The following MTMR2 variants were observed in gnomAD, a reference collection of about 807,000 sequenced individuals.
MTMR2 encodes phosphatidylinositol-3,5-bisphosphate 3-phosphatase MTMR2.
A neutral mutation model predicts 86.9 loss-of-function variants in MTMR2; 55 were observed. The observed-to-expected ratio is 0.63, with a 90% CI of 0.51 to 0.79. The LOEUF is 0.79. MTMR2 is among the 30% of genes least tolerant of loss of function. MTMR2 has a pLI of 0.00. For synonymous variants in MTMR2, 241 were observed against 266.8 expected, an observed-to-expected ratio of 0.90 and a Z score of 0.94; for missense variants, 659 against 772.3, an observed-to-expected ratio of 0.85 and a Z score of 1.74.
intron 2 of MTMR2, among the ~76,000 whole-genome samples, chr11:95,886,413 T>G (rs1388276671): frequency 6.6e-6 from 1 of 152,226 alleles, no homozygotes; most frequent in African/African-American, 2.4e-5. Context: ...GCCCTCATTT[T>G]GTCCAAATGT....
intron 1 of MTMR2, among the ~76,000 whole-genome samples, chr11:95,893,894 A>C (rs1865795487): frequency 6.6e-6 from 1 of 152,154 alleles, no homozygotes; most frequent in African/African-American, 2.4e-5. Flanking sequence ...ATATCATCCC[A>C]AACCAAAACC....
At chr11:95,875,567 T>C (rs1342454741) in intron 2 of MTMR2, among the ~76,000 whole-genome samples, 1 of 152,164 alleles carries the variant, frequency 6.6e-6, no homozygotes, top group Non-Finnish European at 1.5e-5. Context: ...TCAGAGTAGT[T>C]TGATCGTCTG....
chr11:95,838,329 T>C (rs1464947802), intron 12 of MTMR2, 122 bp from the exon 13 acceptor site: 3 of 683,026 alleles, frequency 4.4e-6, no homozygotes, highest in East Asian at 2.8e-5. Flanking sequence ...ATCTACATTA[T>C]TCCAAGCCAT....
At chr11:95,881,500 TC>T (rs1484706168) in intron 2 of MTMR2, among the ~76,000 whole-genome samples, 2 of 152,180 alleles carry the variant, frequency 1.3e-5, no homozygotes, top group South Asian at 2.1e-4. Context: ...TATTTAGATA[TC>T]CTTTTAGCTT....
chr11:95,870,453 T>C (rs937990770), intron 2 of MTMR2, among the ~76,000 whole-genome samples: 2 of 152,078 alleles, frequency 1.3e-5, no homozygotes, highest in African/African-American at 2.4e-5. Context: ...ACGAAAGAAA[T>C]AGAATCCTGG....
intron 1 of MTMR2, among the ~76,000 whole-genome samples, chr11:95,919,912 A>G (rs1866852132): frequency 6.6e-6 from 1 of 152,190 alleles, no homozygotes; most frequent in South Asian, 2.1e-4. Flanking sequence ...AACCCACTAA[A>G]GCAGTGCATT....
chr11:95,847,888 T>C lies in MTMR2; in HGVS notation c.1005A>G (p.Gly335=). 1 of 1,613,570 alleles carries C rather than the reference T, an allele frequency of 6.2e-7. No homozygotes were observed. Among genetic ancestry groups the C allele is most frequent in the South Asian group, 1.1e-5 (1 of 91,066 alleles). ...GATAGGCATCTTCACTTTCATAACCTCCACCCTTTGCCTGGAAAAAAGCAC... is the reference window on the plus strand; with the variant it reads ...GATAGGCATCTTCACTTTCATAACCCCCACCCTTTGCCTGGAAAAAAGCAC... ...VNAVANKAKG[G]GYESEDAYQN... The change falls in exon 10 of 15, where the codon GGA becomes GGG. Residue 335 remains glycine, a synonymous_variant. Coordinates refer to ENST00000346299, the MANE Select transcript of MTMR2 (RefSeq NM_016156.6).
At chr11:95,911,824 A>G (rs1278723286) in intron 1 of MTMR2, among the ~76,000 whole-genome samples, 1 of 152,184 alleles carries the variant, frequency 6.6e-6, no homozygotes, top group East Asian at 1.9e-4. Context: ...TACTTGGACA[A>G]GTATAGAAAA....
At chr11:95,848,102 G>A (rs984929431) in intron 9 of MTMR2, among the ~76,000 whole-genome samples, 11 of 152,116 alleles carry the variant, frequency 7.2e-5, no homozygotes, top group South Asian at 2.1e-4. Context: ...GAATATATAC[G>A]TAGTCTGACT....
At chr11:95,888,321 A>T in intron 1 of MTMR2, 60 bp from the exon 2 acceptor site, 1 of 1,110,470 alleles carries the variant, frequency 9.0e-7, no homozygotes, top group Non-Finnish European at 1.4e-6. Context: ...CCAATTTCAG[A>T]CATTGTATTT....
Position 95,844,939 on chromosome 11 carries a change from G to T in MTMR2, c.1386+14C>A. On this transcript the variant is annotated intron_variant, in intron 11 of 14. Coordinates refer to ENST00000346299, the MANE Select transcript of MTMR2 (RefSeq NM_016156.6). ...ATGCATGTGATATATCCAAAGTCAA[G>T]GTTCCTTACTTACTAGTTGAAATCG... The T allele has an allele frequency of 6.3e-7, 1 of 1,578,726 alleles. No individual in the cohort carries two copies. Among genetic ancestry groups the T allele is most frequent in the Non-Finnish European group, 8.7e-7 (1 of 1,150,978 alleles).
chr11:95,840,424 A>G lies in MTMR2; in HGVS notation c.1479+1193T>C, dbSNP rs1347180304. On this transcript the variant is annotated intron_variant, in intron 12 of 14. Transcript: ENST00000346299. ...TTGTAGGGACTTAGGTAGTTGATAT[A>G]CTGCCTCAAAGCCAATTCCAAAGGA... Among the ~76,000 whole-genome samples, 3 of 152,194 alleles carry G rather than the reference A, an allele frequency of 2.0e-5. No individual in the cohort carries two copies. The East Asian group carries it at 5.8e-4, about 29-fold the overall frequency.
intron 1 of MTMR2, 48 bp from the exon 2 acceptor site, chr11:95,888,309 G>A: frequency 7.8e-7 from 1 of 1,275,102 alleles, no homozygotes. Flanking sequence ...GGGCTTCAAA[G>A]ACCAATTTCA....
intron 2 of MTMR2, among the ~76,000 whole-genome samples, chr11:95,880,436 C>G (rs1314343390): frequency 1.3e-5 from 2 of 151,976 alleles, no homozygotes; most frequent in Non-Finnish European, 2.9e-5. Context: ...TTATTCCAGT[C>G]TCCTGGAATA....
At position 95,835,201 on chromosome 11, in the gene MTMR2, T is replaced by C; in HGVS notation, c.*89A>G. ...AAGTGACTGAACTTTCTCTCATAGA[T>C]GGGTTCTAAATTCCGAAGACTTTCT... On this transcript the variant is annotated 3_prime_UTR_variant, in exon 15 of 15. Coordinates refer to ENST00000346299, the MANE Select transcript of MTMR2 (RefSeq NM_016156.6). 6.8e-6 allele frequency: 9 copies of C among 1,317,842 alleles called. No homozygotes were observed. In the South Asian group the frequency reaches 1.1e-4, roughly 16 times the overall value. 81.6% of individuals were successfully genotyped at this position (1,317,842 alleles called of 1,614,324 possible). A position where few individuals can be genotyped will look rare whatever the true frequency, so the allele number is the denominator to read the frequency against.
At chr11:95,905,363 AC>A (rs1771222622) in intron 1 of MTMR2, among the ~76,000 whole-genome samples, 1 of 147,058 alleles carries the variant, frequency 6.8e-6, no homozygotes, top group East Asian at 2.0e-4. Context: ...ACACACACAC[AC>A]ACACAACACA....
intron 10 of MTMR2, among the ~76,000 whole-genome samples, chr11:95,846,360 T>G (rs1261329083): frequency 2.6e-5 from 4 of 152,210 alleles, no homozygotes; most frequent in Non-Finnish European, 5.9e-5. Flanking sequence ...AGTTCCTGCT[T>G]ACTGAAGTTT....
chr11:95,875,394 C>T lies in MTMR2; in HGVS notation c.187-9718G>A, dbSNP rs1865069164. Among the ~76,000 whole-genome samples, 4 of 152,228 alleles carry T rather than the reference C, an allele frequency of 2.6e-5. No homozygotes were observed. In the South Asian group the frequency reaches 6.2e-4, roughly 24 times the overall value. On this transcript the variant is annotated intron_variant, in intron 2 of 14. Coordinates refer to ENST00000346299, the MANE Select transcript of MTMR2 (RefSeq NM_016156.6). ...TTATTCCAGTTGATCGAATCAGCTA[C>T]TGAGGCTTGTGCATTCGTCACGTAG...
In MTMR2 at chr11:95,849,830, G is replaced by T; in HGVS notation, c.837C>A (p.Ala279=). ...TGGGCTGGCTACACCGAGTGATTGT[G>T]GCTTGACTTTCAGGATGAATCCATG... is the stretch of plus-strand genomic sequence containing the variant. The part of the protein sequence containing the change: ...VLSWIHPESQ[A]TITRCSQPMV... Residue 279 remains alanine, a synonymous_variant, in exon 9 of 15, where the codon GCC becomes GCA. Transcript: ENST00000346299. 6.2e-7 allele frequency: 1 copy of T among 1,614,088 alleles called. No individual in the cohort carries two copies.
Sources: gnomAD v4.1 joint callset for allele counts (sites outside exome capture counted in the v4.1 genomes callset) on GRCh38, gnomAD v4.1.1 for gene constraint, MANE v1.5 for transcripts, NCBI Gene and HGNC (gene_info 2026-07-23, HGNC 2026-07-21) for gene names.